Variants in PTPRN2 observed in about 807,000 individuals in gnomAD.
PTPRN2 encodes receptor-type tyrosine-protein phosphatase N2.
In PTPRN2, 74 loss-of-function variants were observed where a neutral mutation model predicts 118.8. That is an observed-to-expected ratio of 0.62 (90% CI 0.52 to 0.76). The LOEUF (loss-of-function observed/expected upper bound fraction) is 0.76. Ranked by LOEUF, PTPRN2 falls within the 30% of genes least tolerant of loss-of-function variation. The pLI is 0.00. For synonymous variants in PTPRN2, 641 were observed against 608.0 expected, an observed-to-expected ratio of 1.05 and a Z score of -0.80; for missense variants, 1,481 against 1,394.4, an observed-to-expected ratio of 1.06 and a Z score of -0.99.
chr7:157,552,887 G>T lies in PTPRN2; in HGVS notation c.2903-3868C>A, dbSNP rs550193755. On this transcript the variant is annotated intron_variant, in intron 21 of 22. Coordinates refer to ENST00000389418, the MANE Select transcript of PTPRN2 (RefSeq NM_002847.5). ...GCTTTCCTCCCGTTTCCAGGGTCCA[G>T]TGAGGGTCCAGTGAGATGACGCATG... 5.3e-5 allele frequency among the ~76,000 whole-genome samples: 8 copies of T among 152,340 alleles called. No individual in the cohort carries two copies. The South Asian group carries it at 1.0e-3, about 20-fold the overall frequency.
intron 12 of PTPRN2, among the ~76,000 whole-genome samples, chr7:157,684,392 G>T (rs1168829462): frequency 2.8e-5 from 4 of 143,088 alleles, no homozygotes; most frequent in Non-Finnish European, 4.6e-5. Flanking sequence ...GGAGGGAGAG[G>T]GAAAGGGGGG....
intron 1 of PTPRN2, among the ~76,000 whole-genome samples, chr7:158,496,339 C>T (rs1393790302): frequency 1.1e-5 from 1 of 93,916 alleles, no homozygotes; most frequent in Non-Finnish European, 2.1e-5. Flanking sequence ...CCTCCCCTTC[C>T]CTGTGCCCCC....
At chr7:158,232,204 C>T (rs1829201480) in intron 3 of PTPRN2, among the ~76,000 whole-genome samples, 1 of 151,536 alleles carries the variant, frequency 6.6e-6, no homozygotes, top group Non-Finnish European at 1.5e-5. Context: ...AATTGACAAA[C>T]CTTTAGCTAG....
In PTPRN2 at chr7:158,457,665, C is replaced by T. The variant is rs183910491; in HGVS notation, c.163+32070G>A. ...TGAGGGGCGTTAACACCAAAACTCC[C>T]GCTCCAGGGCGAGCCTGGCCTGGGG... On this transcript the variant is annotated intron_variant, in intron 2 of 22. Coordinates refer to ENST00000389418, the MANE Select transcript of PTPRN2 (RefSeq NM_002847.5). Among the ~76,000 whole-genome samples, 9 of 99,352 alleles carry T rather than the reference C, an allele frequency of 9.1e-5. 3 individuals are homozygous for T. In the South Asian group the frequency reaches 2.2e-3, roughly 25 times the overall value. 65.2% of individuals were successfully genotyped at this position (99,352 alleles called of 152,430 possible). A position where few individuals can be genotyped will look rare whatever the true frequency, so the allele number is the denominator to read the frequency against.
intron 11 of PTPRN2, among the ~76,000 whole-genome samples, chr7:157,935,358 C>G (rs1351915567): frequency 6.6e-6 from 1 of 152,154 alleles, no homozygotes; most frequent in African/African-American, 2.4e-5. Flanking sequence ...CAGATGCGAT[C>G]ATTTCTGTGC....
intron 9 of PTPRN2, among the ~76,000 whole-genome samples, chr7:158,111,681 C>T: frequency 6.6e-6 from 1 of 152,192 alleles, no homozygotes; most frequent in East Asian, 1.9e-4. Flanking sequence ...GTGCAGGATG[C>T]CTGCAGGGCA....
At chr7:157,753,634 C>G (rs1190528405) in intron 12 of PTPRN2, among the ~76,000 whole-genome samples, 8 of 148,878 alleles carry the variant, frequency 5.4e-5, no homozygotes, top group Non-Finnish European at 1.0e-4. Flanking sequence ...GTGCCAGGCC[C>G]CACACCTGCC....
At chr7:157,791,670 G>C (rs1404196233) in intron 12 of PTPRN2, among the ~76,000 whole-genome samples, 1 of 152,024 alleles carries the variant, frequency 6.6e-6, no homozygotes, top group Admixed American at 6.6e-5. Flanking sequence ...TCTCGACCAA[G>C]AGCATCCTCT....
chr7:158,199,677 C>T (rs1826479797), intron 4 of PTPRN2, among the ~76,000 whole-genome samples: 1 of 146,500 alleles, frequency 6.8e-6, no homozygotes, highest in Non-Finnish European at 1.5e-5. Context: ...TGGAGAAAGC[C>T]AGGTGACATT....
chr7:157,621,414 C>T lies in PTPRN2; in HGVS notation c.2292G>A (p.Val764=). The change falls in exon 15 of 23, where the codon GTG becomes GTA. Residue 764 remains valine (V), a synonymous_variant. Coordinates refer to ENST00000389418, the MANE Select transcript of PTPRN2 (RefSeq NM_002847.5). ...TGGGCACGTTCTCCTCCCTCTGGGC[C>T]ACGAACGAGCTGTTGGGCTCCGCCT... ...AYQAEPNSSF[V]AQREENVPKN... is the part of the protein sequence containing the mutation. 6.2e-7 allele frequency: 1 copy of T among 1,612,380 alleles called. No individual in the cohort carries two copies. The highest frequency in any genetic ancestry group is 8.5e-7 in the Non-Finnish European group (1 of 1,179,462).
At position 157,864,870 on chromosome 7, in the gene PTPRN2, A is replaced by G. The variant is rs555239739; in HGVS notation, c.1788+33803T>C. On this transcript the variant is annotated intron_variant, in intron 12 of 22. Coordinates refer to ENST00000389418, the MANE Select transcript of PTPRN2 (RefSeq NM_002847.5). Reference sequence around the variant, plus strand: ...GCCCCTCCTCTGTGCCTGAACCTGCAGTTTCTGCCCCCGCATAAAATGCCG... The same window carrying G: ...GCCCCTCCTCTGTGCCTGAACCTGCGGTTTCTGCCCCCGCATAAAATGCCG... 11 of 152,366 alleles carry G rather than the reference A, an allele frequency of 7.2e-5. No homozygotes were observed. In the East Asian group the frequency reaches 2.1e-3, roughly 29 times the overall value. The allele number at this position is 152,366 out of a possible 1,614,324, so 9.4% of individuals were successfully genotyped here. A position where few individuals can be genotyped will look rare whatever the true frequency, so the allele number is the denominator to read the frequency against.
chr7:158,345,269 G>A (rs1163339740), intron 2 of PTPRN2, among the ~76,000 whole-genome samples: 2 of 152,208 alleles, frequency 1.3e-5, no homozygotes, highest in East Asian at 1.9e-4. Context: ...CTAACTGCCT[G>A]TCTCCTGGCC....
chr7:157,820,555 C>G (rs549560520), intron 12 of PTPRN2, among the ~76,000 whole-genome samples: 12 of 149,822 alleles, frequency 8.0e-5, no homozygotes, highest in African/African-American at 2.9e-4. Context: ...TGCACACACA[C>G]GCACACACAC....
At chr7:158,371,727 G>A (rs1005532111) in intron 2 of PTPRN2, among the ~76,000 whole-genome samples, 18 of 152,116 alleles carry the variant, frequency 1.2e-4, no homozygotes, top group East Asian at 1.9e-4. Flanking sequence ...AAAACCGTTC[G>A]TTTTCAAAGA....
intron 13 of PTPRN2, among the ~76,000 whole-genome samples, chr7:157,663,417 C>T (rs1253470597): frequency 6.6e-6 from 1 of 152,198 alleles, no homozygotes; most frequent in Non-Finnish European, 1.5e-5. Flanking sequence ...CATCTATCTA[C>T]TGGAGACAGA....
At chr7:157,744,040 C>T (rs1800784507) in intron 12 of PTPRN2, among the ~76,000 whole-genome samples, 1 of 152,234 alleles carries the variant, frequency 6.6e-6, no homozygotes, top group African/African-American at 2.4e-5. Flanking sequence ...TCTGACGCAG[C>T]TTAGAAGAGC....
Position 157,787,025 on chromosome 7 carries a change from TGCGGCGGGGGACGCGGGG to T in PTPRN2, c.1789-104106_1789-104089del, listed in dbSNP as rs1356494683. On this transcript the variant is annotated intron_variant, in intron 12 of 22. Transcript: ENST00000389418. The surrounding 1 kb of genome is among the most constrained non-coding windows in gnomAD (Gnocchi z 5.3). ...TTGAGGGGCAGGAGGCGGACACAGG[TGCGGCGGGGGACGCGGGG>T]GTGGCTGCCCGGGAGGCGGACGCGG... Among the ~76,000 whole-genome samples the T allele has an allele frequency of 4.1e-4, 60 of 146,370 alleles. No homozygotes were observed. Among genetic ancestry groups the T allele is most frequent in the South Asian group, 8.7e-4 (4 of 4,624 alleles).
At chr7:157,927,095 C>A (rs6951904) in intron 11 of PTPRN2, among the ~76,000 whole-genome samples, 1 of 69,146 alleles carries the variant, frequency 1.4e-5, no homozygotes, top group Non-Finnish European at 3.0e-5. Flanking sequence ...AGACAGGAAG[C>A]CCCAGGGACC....
At chr7:157,885,849 T>C (rs1215640600) in intron 12 of PTPRN2, among the ~76,000 whole-genome samples, 2 of 152,210 alleles carry the variant, frequency 1.3e-5, no homozygotes, top group South Asian at 4.1e-4. Context: ...GCCATGTCAC[T>C]TCTCCTGCCT....
Sources: allele counts gnomAD v4.1 joint callset (sites outside exome capture counted in the v4.1 genomes callset), GRCh38; gene constraint gnomAD v4.1.1; non-coding constraint Gnocchi (gnomAD v3.1); transcripts MANE v1.5; gene names NCBI Gene and HGNC (gene_info 2026-07-23, HGNC 2026-07-21).